NPAS3: variants seen among roughly 807,000 people sequenced by gnomAD.
The protein encoded by NPAS3 is neuronal PAS domain-containing protein 3.
Under a neutral mutation model 73.1 loss-of-function variants are expected in NPAS3, and 14 were observed. The observed-to-expected ratio is 0.19, with a 90% confidence interval of 0.13 to 0.30. The LOEUF (loss-of-function observed/expected upper bound fraction) is 0.30, where lower values mean the gene tolerates loss of function less well. Among genes scored for constraint, NPAS3 ranks in the 10% least tolerant of loss-of-function variants. NPAS3 has a pLI of 1.00. For synonymous variants in NPAS3, 620 were observed against 541.5 expected (o/e 1.14, Z -2.01); for missense variants, 1,096 against 1,250.0 (o/e 0.88, Z 1.86).
At chr14:33,056,636 ACT>A (rs1245502072) in intron 2 of NPAS3, among the ~76,000 whole-genome samples, 1 of 152,206 alleles carries the variant, frequency 6.6e-6, no homozygotes, top group African/African-American at 2.4e-5. Context: ...TGAAGTAAAC[ACT>A]CTGCTCTGGG....
chr14:33,645,235 C>T (rs906403382), intron 5 of NPAS3, among the ~76,000 whole-genome samples: 1 of 152,042 alleles, frequency 6.6e-6, no homozygotes, highest in African/African-American at 2.4e-5. Flanking sequence ...TACTTAGTTC[C>T]TCAAAATCAC....
chr14:33,767,155 A>G (rs1474828894), intron 7 of NPAS3, among the ~76,000 whole-genome samples: 1 of 152,192 alleles, frequency 6.6e-6, no homozygotes, highest in Non-Finnish European at 1.5e-5. Context: ...TTGTGCAAGG[A>G]AAGACCTAGG....
chr14:33,405,033 G>A (rs2047604455), intron 4 of NPAS3, among the ~76,000 whole-genome samples: 1 of 152,002 alleles, frequency 6.6e-6, no homozygotes, highest in Non-Finnish European at 1.5e-5. Flanking sequence ...CTTTGCTTTT[G>A]TATCTACCCA....
At chr14:33,285,547 C>T (rs1247943051) in intron 3 of NPAS3, among the ~76,000 whole-genome samples, 1 of 152,180 alleles carries the variant, frequency 6.6e-6, no homozygotes, top group South Asian at 2.1e-4. Flanking sequence ...CTCTCAAACA[C>T]GTGTTCCACA....
chr14:33,220,163 G>A lies in NPAS3; in HGVS notation c.385+4737G>A, dbSNP rs139692540. ...GCAGGAGCCTCCTACAGGGCTAGAC[G>A]AGTAGGGCAAAGATGGTAACTCAGT... On this transcript the variant is annotated intron_variant, in intron 3 of 11. Transcript: ENST00000356141. Among the ~76,000 whole-genome samples, 137 of 152,308 alleles carry A rather than the reference G, an allele frequency of 9.0e-4. 2 individuals carry two copies. The East Asian group carries it at 0.023, about 26-fold the overall frequency.
chr14:33,767,530 G>A (rs1171892796), intron 7 of NPAS3, among the ~76,000 whole-genome samples: 1 of 150,130 alleles, frequency 6.7e-6, no homozygotes, highest in Non-Finnish European at 1.5e-5. Flanking sequence ...AATTTTTAAG[G>A]TAAATTTGGA....
chr14:33,360,757 T>C (rs2045561499), intron 3 of NPAS3, among the ~76,000 whole-genome samples: 1 of 152,202 alleles, frequency 6.6e-6, no homozygotes, highest in South Asian at 2.1e-4. Context: ...GTCTCAGGTA[T>C]GTCAGGGATG....
In NPAS3 at chr14:33,638,982, C is replaced by T. The variant is rs538066899; in HGVS notation, c.559-37229C>T. On this transcript the variant is annotated intron_variant, in intron 5 of 11. Coordinates refer to ENST00000356141, the Ensembl canonical transcript of NPAS3. ...GAAGTTATTTGACTTAGAAAGGCAC[C>T]GCACCATTTAACCTTGGTTTTGTTC... Among the ~76,000 whole-genome samples, 15 of 152,226 alleles carry T rather than the reference C, an allele frequency of 9.9e-5. No homozygotes were observed. The South Asian group carries it at 2.3e-3, about 23-fold the overall frequency.
At chr14:33,765,632 CAAGTT>C (rs1304277685) in intron 7 of NPAS3, among the ~76,000 whole-genome samples, 2 of 152,200 alleles carry the variant, frequency 1.3e-5, no homozygotes, top group Non-Finnish European at 2.9e-5. Context: ...CAAAAGGCAA[CAAGTT>C]ATGTTCTACA....
chr14:33,535,812 A>G (rs373749453), intron 4 of NPAS3, among the ~76,000 whole-genome samples: 11 of 152,286 alleles, frequency 7.2e-5, no homozygotes, highest in African/African-American at 2.2e-4. Flanking sequence ...TTGTTAGTAA[A>G]TATTTTATTC....
At chr14:33,432,952 A>G (rs867425958) in intron 4 of NPAS3, among the ~76,000 whole-genome samples, 2 of 152,214 alleles carry the variant, frequency 1.3e-5, no homozygotes, top group Non-Finnish European at 2.9e-5. Context: ...ACTTTATTAC[A>G]TAGGTATTCC....
At chr14:33,112,290 T>C (rs971223138) in intron 2 of NPAS3, among the ~76,000 whole-genome samples, 3 of 152,166 alleles carry the variant, frequency 2.0e-5, no homozygotes, top group African/African-American at 7.2e-5. Context: ...CCACCAACAG[T>C]GTAAAAGTGT....
intron 3 of NPAS3, among the ~76,000 whole-genome samples, chr14:33,363,920 C>CTGTGTGTGTGTGTG (rs1358331553): frequency 3.9e-5 from 1 of 25,558 alleles, no homozygotes; most frequent in African/African-American, 9.6e-5. Context: ...TAGCAATGCC[C>CTGTGTGTGTGTGTG]TCTGTGTGTG....
intron 6 of NPAS3, chr14:33,680,723 G>A: frequency 2.9e-6 from 2 of 686,322 alleles, no homozygotes; most frequent in Non-Finnish European, 5.3e-6. Context: ...TGGCTTTTTG[G>A]GTGGGTGTGA....
intron 5 of NPAS3, among the ~76,000 whole-genome samples, chr14:33,617,955 A>T (rs1262758045): frequency 1.3e-5 from 2 of 152,222 alleles, no homozygotes; most frequent in Non-Finnish European, 2.9e-5. Flanking sequence ...GTAACTGCGT[A>T]GGAACTCAGC....
intron 5 of NPAS3, chr14:33,583,467 G>GATATATTAC (rs1264780077): frequency 1.3e-5 from 2 of 151,962 alleles, no homozygotes; most frequent in Non-Finnish European, 2.9e-5. Flanking sequence ...TTTTAATAAA[G>GATATATTAC]GTATATCTTT....
intron 5 of NPAS3, among the ~76,000 whole-genome samples, chr14:33,604,743 C>A (rs550553143): frequency 1.3e-5 from 2 of 152,136 alleles, no homozygotes; most frequent in East Asian, 3.9e-4. Context: ...AGGTTTAAGT[C>A]ATACAAAATA....
intron 4 of NPAS3, among the ~76,000 whole-genome samples, chr14:33,434,810 T>A (rs2048919907): frequency 6.6e-6 from 1 of 152,174 alleles, no homozygotes; most frequent in Non-Finnish European, 1.5e-5. Flanking sequence ...AATGAACGGA[T>A]CATTCACTCT....
intron 4 of NPAS3, among the ~76,000 whole-genome samples, chr14:33,490,482 T>A (rs2051838697): frequency 6.6e-6 from 1 of 152,188 alleles, no homozygotes; most frequent in South Asian, 2.1e-4. Context: ...CAGTGCCTTG[T>A]TAATGCCGTT....
Sources: gnomAD v4.1 joint callset for allele counts (sites outside exome capture counted in the v4.1 genomes callset) on GRCh38, gnomAD v4.1.1 for gene constraint, MANE v1.5 for transcripts, NCBI Gene and HGNC (gene_info 2026-07-23, HGNC 2026-07-21) for gene names.